Variants in LRRC7 observed in about 807,000 individuals in gnomAD.
The protein encoded by LRRC7 is leucine rich repeat containing 7.
Under a neutral mutation model 175.7 loss-of-function variants are expected in LRRC7, and 23 were observed. The ratio of observed to expected loss-of-function variants is 0.13; its 90% CI spans 0.09 to 0.19. The LOEUF (loss-of-function observed/expected upper bound fraction) is 0.19, where lower values mean the gene tolerates loss of function less well. Ranked by LOEUF, LRRC7 falls within the 10% of genes least tolerant of loss-of-function variation. The pLI, the probability that LRRC7 is intolerant of heterozygous loss-of-function variation, is 1.00. For synonymous variants in LRRC7, 685 were observed against 680.9 expected (o/e 1.01, Z -0.09); for missense variants, 1,354 against 1,904.7 (o/e 0.71, Z 5.38).
intron 3 of LRRC7, among the ~76,000 whole-genome samples, chr1:69,760,630 G>A (rs1670935400): frequency 6.6e-6 from 1 of 151,872 alleles, no homozygotes; most frequent in South Asian, 2.1e-4. Flanking sequence ...GATGGATTAT[G>A]CCTCGTTATC....
chr1:69,622,780 C>G (rs1194869276), intron 1 of LRRC7, among the ~76,000 whole-genome samples: 2 of 152,112 alleles, frequency 1.3e-5, no homozygotes, highest in East Asian at 3.9e-4. Flanking sequence ...GAATAATTCT[C>G]TATAATGTAG....
intron 7 of LRRC7, chr1:69,839,172 A>G (rs1681454426): frequency 6.1e-6 from 1 of 164,852 alleles, no homozygotes; most frequent in African/African-American, 2.4e-5. Flanking sequence ...TTCCTAAGCA[A>G]ACTGGATTGA....
At position 69,672,053 on chromosome 1, in the gene LRRC7, C is replaced by T. The variant is rs570240213; in HGVS notation, c.3-6328C>T. Among the ~76,000 whole-genome samples the T allele has an allele frequency of 7.9e-5, 12 of 152,240 alleles. No individual in the cohort carries two copies. The South Asian group carries it at 2.5e-3, about 32-fold the overall frequency. On this transcript the variant is annotated intron_variant, in intron 1 of 26. Coordinates refer to ENST00000651989, the MANE Select transcript of LRRC7 (RefSeq NM_001370785.2). ...CTTTAAGTTCTAGGGCACATGTGCACAACATGCAGGTTTGTTACATATGTA... is the reference window on the plus strand; with the variant it reads ...CTTTAAGTTCTAGGGCACATGTGCATAACATGCAGGTTTGTTACATATGTA...
intron 7 of LRRC7, among the ~76,000 whole-genome samples, chr1:69,882,511 C>T (rs1686722814): frequency 6.6e-6 from 1 of 151,918 alleles, no homozygotes; most frequent in Admixed American, 6.6e-5. Context: ...ATGTACATAC[C>T]TACACACACA....
At chr1:69,691,755 A>G (rs955947437) in intron 2 of LRRC7, among the ~76,000 whole-genome samples, 1 of 144,480 alleles carries the variant, frequency 6.9e-6, no homozygotes, top group Admixed American at 7.4e-5. Context: ...TTGTGATTAC[A>G]CTGCTGCACT....
At chr1:69,637,121 A>C (rs768167621) in intron 1 of LRRC7, among the ~76,000 whole-genome samples, 1 of 142,762 alleles carries the variant, frequency 7.0e-6, no homozygotes, top group Non-Finnish European at 1.5e-5. Context: ...TCCCCCGCAC[A>C]CAGAGTTTAT....
chr1:69,981,549 A>G (rs1653432145), intron 9 of LRRC7, among the ~76,000 whole-genome samples: 1 of 152,192 alleles, frequency 6.6e-6, no homozygotes, highest in South Asian at 2.1e-4. Flanking sequence ...ATCAGAAACT[A>G]TGCTAATGTC....
intron 1 of LRRC7, among the ~76,000 whole-genome samples, chr1:69,675,949 C>A (rs1231242084): frequency 2.0e-5 from 3 of 151,428 alleles, no homozygotes; most frequent in East Asian, 3.9e-4. Flanking sequence ...GTTATCACTG[C>A]ACATTAAAAA....
intron 26 of LRRC7, among the ~76,000 whole-genome samples, chr1:70,119,101 C>T (rs1666049132): frequency 6.6e-6 from 1 of 151,056 alleles, no homozygotes; most frequent in Non-Finnish European, 1.5e-5. Context: ...TTTTTGAACG[C>T]TTTATTCTGC....
At chr1:70,058,464 A>C (rs930491600) in intron 23 of LRRC7, among the ~76,000 whole-genome samples, 1 of 152,236 alleles carries the variant, frequency 6.6e-6, no homozygotes, top group East Asian at 1.9e-4. Flanking sequence ...GCAATTGCTG[A>C]AAACAACCAT....
rs1178170310 is a variant in LRRC7, at chr1:70,099,147, G to T, written c.4546-8605G>T. 6.9e-3 allele frequency among the ~76,000 whole-genome samples: 979 copies of T among 140,930 alleles called. 8 individuals carry two copies. The highest frequency in any genetic ancestry group is 0.024 in the African/African-American group (915 of 37,438). The allele number at this position is 140,930 out of a possible 152,430, so 92.5% of individuals were successfully genotyped here. A position where few individuals can be genotyped will look rare whatever the true frequency, so the allele number is the denominator to read the frequency against. On this transcript the variant is annotated intron_variant, in intron 25 of 26. Transcript: ENST00000651989. ...CATGATCAAGTGGGCTTCATCCCTG[G>T]GATGCAAGGCTGGTTCAATATATGC...
intron 7 of LRRC7, chr1:69,874,209 G>GCAGT (rs1336687545): frequency 1.3e-5 from 2 of 152,214 alleles, no homozygotes; most frequent in East Asian, 3.9e-4. Flanking sequence ...GGCTTTTCAT[G>GCAGT]CAGTTCAATG....
At chr1:69,671,803 G>A (rs947302361) in intron 1 of LRRC7, among the ~76,000 whole-genome samples, 4 of 152,090 alleles carry the variant, frequency 2.6e-5, no homozygotes, top group East Asian at 1.9e-4. Context: ...AGTTCAATGC[G>A]ATGTGTCATG....
At chr1:69,826,355 T>C (rs1679911837) in intron 5 of LRRC7, among the ~76,000 whole-genome samples, 1 of 152,086 alleles carries the variant, frequency 6.6e-6, no homozygotes, top group South Asian at 2.1e-4. Flanking sequence ...GATGCTGTGA[T>C]CAGAAAATGG....
chr1:69,813,178 T>C (rs535071794), intron 4 of LRRC7, among the ~76,000 whole-genome samples: 1 of 152,196 alleles, frequency 6.6e-6, no homozygotes, highest in South Asian at 2.1e-4. Context: ...CTTTATATGG[T>C]TCAAATTCTA....
intron 2 of LRRC7, among the ~76,000 whole-genome samples, chr1:69,698,963 A>T (rs529784870): frequency 6.6e-6 from 1 of 152,030 alleles, no homozygotes; most frequent in East Asian, 1.9e-4. Flanking sequence ...AGTCAAACTT[A>T]CTCCTATCCC....
At chr1:69,913,182 T>C (rs961001478) in intron 7 of LRRC7, among the ~76,000 whole-genome samples, 1 of 152,324 alleles carries the variant, frequency 6.6e-6, no homozygotes, top group East Asian at 1.9e-4. Flanking sequence ...CCTTAACTGA[T>C]AAACATTAAC....
chr1:69,706,759 T>C (rs554780432), intron 2 of LRRC7, among the ~76,000 whole-genome samples: 6 of 152,290 alleles, frequency 3.9e-5, no homozygotes, highest in African/African-American at 1.4e-4. Context: ...ATGGGATTTA[T>C]GTCAGACTTT....
At chr1:69,640,840 G>A (rs1005687747) in intron 1 of LRRC7, among the ~76,000 whole-genome samples, 2 of 151,310 alleles carry the variant, frequency 1.3e-5, no homozygotes, top group Non-Finnish European at 3.0e-5. Context: ...AATCAATAAA[G>A]GTTGTTAATG....
Sources: allele counts gnomAD v4.1 joint callset (sites outside exome capture counted in the v4.1 genomes callset), GRCh38; gene constraint gnomAD v4.1.1; transcripts MANE v1.5; gene names NCBI Gene and HGNC (gene_info 2026-07-23, HGNC 2026-07-21).